The following ADAM20 variants were observed in gnomAD, a reference collection of about 807,000 sequenced individuals.
The protein encoded by ADAM20 is disintegrin and metalloproteinase domain-containing protein 20.
For missense variants in ADAM20, 871 were observed against 883.2 expected (o/e 0.99, Z 0.18); for synonymous variants, 305 against 310.2 (o/e 0.98, Z 0.18).
chr14:70,554,744 G>A, the ADAM20 span, among the ~76,000 whole-genome samples: 1 of 152,204 alleles, frequency 6.6e-6, no homozygotes. Flanking sequence ...CTAGGAGCTA[G>A]GGGTAGGAGG....
chr14:70,560,138 G>A, the ADAM20 span, among the ~76,000 whole-genome samples: 2 of 152,064 alleles, frequency 1.3e-5, no homozygotes, highest in Non-Finnish European at 2.9e-5. Flanking sequence ...AAAATAATCT[G>A]GAGTATTAAA....
In ADAM20 at chr14:70,523,574, A is replaced by G; in HGVS notation, c.1184T>C (p.Ile395Thr). Residue 395 changes from isoleucine to threonine, a missense_variant, in exon 2 of 2, where the codon ATT becomes ACT. Transcript: ENST00000256389. ...ATTCCCTGGATATGGAGGCGGTTGA[A>G]TACATAATCCACTACTGATAGTACT... ...WDSTISSGLC[I>T]QPPPYPGNIF... 1.2e-6 allele frequency: 2 copies of G among 1,614,106 alleles called. No individual in the cohort carries two copies. The highest frequency in any genetic ancestry group is 1.7e-6 in the Non-Finnish European group (2 of 1,179,992).
chr14:70,546,014 A>G, the ADAM20 span, among the ~76,000 whole-genome samples: 1 of 152,252 alleles, frequency 6.6e-6, no homozygotes, highest in Non-Finnish European at 1.5e-5. Flanking sequence ...TCCTCTGACA[A>G]CAATGAAATA....
At chr14:70,536,586 G>A (rs183199044), upstream of ADAM20, among the ~76,000 whole-genome samples, 12 of 150,614 alleles carry the variant, frequency 8.0e-5, no homozygotes, top group East Asian at 2.0e-4. Context: ...CAGGAGCATC[G>A]CTGTCTTATA....
Position 70,524,706 on chromosome 14 carries a change from A to G in ADAM20, c.52T>C (p.Trp18Arg). The change falls in exon 2 of 2, where the codon TGG becomes CGG. Residue 18 changes from tryptophan to arginine, a missense_variant. Physicochemically the swap from Trp to Arg is moderately radical, Grantham distance 101. Transcript: ENST00000256389. ...VHIRVTLLLL[W>R]FGMFLSISGH... The stretch of plus-strand genomic sequence containing the variant: ...GAAATAGACAAAAACATCCCAAACC[A>G]GAGCAGCAGAAGAGTGACCCTGATG... The G allele has an allele frequency of 1.2e-6, 2 of 1,614,008 alleles. No homozygotes were observed. The highest frequency in any genetic ancestry group is 1.7e-6 in the Non-Finnish European group (2 of 1,179,944).
the ADAM20 span, among the ~76,000 whole-genome samples, chr14:70,555,361 A>G: frequency 6.6e-6 from 1 of 152,252 alleles, no homozygotes; most frequent in Non-Finnish European, 1.5e-5. Context: ...AGGCAAGTGT[A>G]TATCAAATCA....
At chr14:70,578,200 T>A in the ADAM20 span, among the ~76,000 whole-genome samples, 1 of 152,084 alleles carries the variant, frequency 6.6e-6, no homozygotes, top group Non-Finnish European at 1.5e-5. Context: ...AATCATTTTT[T>A]AAAATGATCT....
the ADAM20 span, among the ~76,000 whole-genome samples, chr14:70,557,857 T>C: frequency 4.6e-5 from 7 of 152,140 alleles, no homozygotes; most frequent in African/African-American, 7.2e-5. Context: ...AGCCAAAAGA[T>C]TGGACACCCT....
the ADAM20 span, among the ~76,000 whole-genome samples, chr14:70,553,347 G>GAAAAAAAAAAAAAA: frequency 1.7e-5 from 1 of 57,606 alleles, no homozygotes; most frequent in Non-Finnish European, 3.3e-5. Context: ...TAGCAGAATT[G>GAAAAAAAAAAAAAA]AAAAAAAAAA....
At position 70,523,833 on chromosome 14, in the gene ADAM20, C is replaced by T. The variant is rs138878809; in HGVS notation, c.925G>A (p.Gly309Ser). 221 of 1,613,884 alleles carry T rather than the reference C, an allele frequency of 1.4e-4. No individual in the cohort carries two copies. The highest frequency in any genetic ancestry group is 1.8e-4 in the Non-Finnish European group (210 of 1,179,972). ...CATATTCCTTTAACATAGGCAACAC[C>T]AAGCTTCATGCCTTGTGTGTCTTTT... Reference protein sequence around the residue: ...FIKDTQGMKLGVAYVKGICQN... With the variant: ...FIKDTQGMKLSVAYVKGICQN... The change falls in exon 2 of 2, where the codon GGT becomes AGT. Residue 309 changes from glycine to serine, a missense_variant. Physicochemically the swap from Gly to Ser is moderately conservative, Grantham distance 56. Transcript: ENST00000256389.
In ADAM20 at chr14:70,523,069, C is replaced by T. The variant is rs774580259; in HGVS notation, c.1689G>A (p.Arg563=). Residue 563 remains arginine, a synonymous_variant, in exon 2 of 2, where the codon AGG becomes AGA. Transcript: ENST00000256389. ...TTACTCCCACATTTTCACACTGAAC[C>T]CTCCCACACATGATATCAGGGGTCC... ...KCWTPDIMCG[R]VQCENVGVIP... is the part of the protein sequence containing the mutation. 1 of 1,613,750 alleles carries T rather than the reference C, an allele frequency of 6.2e-7. No homozygotes were observed. Among genetic ancestry groups the T allele is most frequent in the Non-Finnish European group, 8.5e-7 (1 of 1,179,936 alleles).
chr14:70,529,829 A>G (rs2139537213), intron 1 of ADAM20, among the ~76,000 whole-genome samples: 1 of 152,346 alleles, frequency 6.6e-6, no homozygotes, highest in African/African-American at 2.4e-5. Flanking sequence ...CTGTGCACTT[A>G]GGCTACAATA....
At chr14:70,537,393 C>T (rs1883859013), upstream of ADAM20, among the ~76,000 whole-genome samples, 1 of 152,182 alleles carries the variant, frequency 6.6e-6, no homozygotes, top group African/African-American at 2.4e-5. Context: ...AGCTCCAGTC[C>T]AAGAGGCCCT....
the ADAM20 span, among the ~76,000 whole-genome samples, chr14:70,573,828 G>C: frequency 6.6e-6 from 1 of 152,182 alleles, no homozygotes; most frequent in African/African-American, 2.4e-5. Flanking sequence ...CAACTCATTA[G>C]GAAGACACAA....
the ADAM20 span, among the ~76,000 whole-genome samples, chr14:70,547,048 A>G: frequency 6.6e-6 from 1 of 152,236 alleles, no homozygotes; most frequent in Non-Finnish European, 1.5e-5. Context: ...TCAAAGGATC[A>G]TTAGTGGCTA....
the ADAM20 span, among the ~76,000 whole-genome samples, chr14:70,571,185 T>C: frequency 6.6e-6 from 1 of 152,258 alleles, no homozygotes; most frequent in South Asian, 2.1e-4. Context: ...CCCTTAAGAA[T>C]GATAACAAGA....
chr14:70,523,460 G>A lies in ADAM20; in HGVS notation c.1298C>T (p.Pro433Leu). 6.2e-7 allele frequency: 1 copy of A among 1,613,928 alleles called. No homozygotes were observed. Among genetic ancestry groups the A allele is most frequent in the Non-Finnish European group, 8.5e-7 (1 of 1,179,958 alleles). ...CGTIRQCAKDPCCLLNCTLHP... is the reference protein window; with the variant it reads ...CGTIRQCAKDLCCLLNCTLHP... ...TAGAGTACAGTTTAACAGACAACAG[G>A]GATCTTTTGCACACTGCCGTATGGT... Residue 433 changes from proline (P) to leucine (L), a missense_variant, in exon 2 of 2, where the codon CCC (proline) becomes CTC (leucine). By Grantham distance (98) the Pro-to-Leu change is moderately conservative. Transcript: ENST00000256389.
upstream of ADAM20, among the ~76,000 whole-genome samples, chr14:70,539,883 A>C (rs181318235): frequency 2.0e-4 from 30 of 152,286 alleles, no homozygotes; most frequent in African/African-American, 6.5e-4. Context: ...TATTCAGTGC[A>C]TTGGCAGCAC....
the ADAM20 span, among the ~76,000 whole-genome samples, chr14:70,560,402 A>G: frequency 2.4e-4 from 36 of 152,350 alleles, 1 homozygote; most frequent in Middle Eastern, 3.4e-3. Flanking sequence ...TTCCAGTAAC[A>G]TATCAAAAAC....
Sources: gnomAD v4.1 joint callset for allele counts (sites outside exome capture counted in the v4.1 genomes callset) on GRCh38, gnomAD v4.1.1 for gene constraint, MANE v1.5 for transcripts, NCBI Gene and HGNC (gene_info 2026-07-23, HGNC 2026-07-21) for gene names.